Variants in RASGEF1B observed in about 807,000 individuals in gnomAD.
RASGEF1B encodes the protein RasGEF domain family member 1B.
A neutral mutation model predicts 65.7 loss-of-function variants in RASGEF1B; 30 were observed. The ratio of observed to expected loss-of-function variants is 0.46; its 90% confidence interval spans 0.34 to 0.62. The LOEUF is 0.62. RASGEF1B is among the 20% of genes least tolerant of loss of function. The probability of loss-of-function intolerance (pLI) is 0.01; values close to 1 mark genes in which losing one functional copy is unlikely to be tolerated. For synonymous variants in RASGEF1B, 175 were observed against 194.8 expected, an observed-to-expected ratio of 0.90 and a Z score of 0.85; for missense variants, 495 against 580.1, an observed-to-expected ratio of 0.85 and a Z score of 1.51.
At chr4:81,468,061 A>G (rs1174860446) in intron 1 of RASGEF1B, among the ~76,000 whole-genome samples, 1 of 152,230 alleles carries the variant, frequency 6.6e-6, no homozygotes, top group Non-Finnish European at 1.5e-5. Flanking sequence ...AAATATTCCC[A>G]TATGACTAGT....
At chr4:81,438,551 G>T (rs1042215844) in intron 10 of RASGEF1B, among the ~76,000 whole-genome samples, 6 of 152,324 alleles carry the variant, frequency 3.9e-5, no homozygotes, top group Non-Finnish European at 8.8e-5. Flanking sequence ...TTTTTTAAAT[G>T]GCTGTGATTT....
rs1199995265 is a variant in RASGEF1B at position 81,443,545 on chromosome 4, T to G, written c.929-1169A>C. 2.0e-5 allele frequency among the ~76,000 whole-genome samples: 3 copies of G among 152,354 alleles called. No individual in the cohort carries two copies. The East Asian group carries it at 5.8e-4, about 29-fold the overall frequency. On this transcript the variant is annotated intron_variant, in intron 8 of 13. Coordinates refer to ENST00000264400, the MANE Select transcript of RASGEF1B (RefSeq NM_152545.3). ...TGAAATCATACTGTATCCACTCTTGTGTCTGTCTTATTTTGCACAACATAA... is the reference window on the plus strand; with the variant it reads ...TGAAATCATACTGTATCCACTCTTGGGTCTGTCTTATTTTGCACAACATAA...
rs1224932180 is a variant in RASGEF1B at position 81,459,430 on chromosome 4, T to C, written c.79A>G (p.Ser27Gly). The C allele has an allele frequency of 5.6e-6, 9 of 1,613,508 alleles. No homozygotes were observed. In the Admixed American group the frequency reaches 8.4e-5, roughly 15 times the overall value. Residue 27 changes from serine to glycine, a missense_variant, in exon 2 of 14, where the codon AGC becomes GGC. Physicochemically the swap from Ser to Gly is moderately conservative, Grantham distance 56 (BLOSUM62 0). Transcript: ENST00000264400. ...TCATGGTAATACAACCCTCCACAGC[T>C]GTCCTCTGCAGACTGATAGAGGTTT... Reference protein sequence around the residue: ...NRNLYQSAEDSCGGLYYHDNN... With the variant: ...NRNLYQSAEDGCGGLYYHDNN...
chr4:81,429,110 C>G (rs1376444014), intron 13 of RASGEF1B, among the ~76,000 whole-genome samples: 3 of 152,272 alleles, frequency 2.0e-5, no homozygotes, highest in Middle Eastern at 3.4e-3. Flanking sequence ...GCTTACATAG[C>G]AATAGAGAAA....
At chr4:81,451,514 A>C (rs542886658) in intron 4 of RASGEF1B, 2 of 152,236 alleles carry the variant, frequency 1.3e-5, no homozygotes, top group African/African-American at 4.8e-5. Context: ...ACATAGGAGC[A>C]GCGCCGGAAG....
intron 10 of RASGEF1B, among the ~76,000 whole-genome samples, chr4:81,436,792 A>T (rs1293374349): frequency 6.6e-6 from 1 of 152,220 alleles, no homozygotes; most frequent in African/African-American, 2.4e-5. Flanking sequence ...CTAAGGAAAA[A>T]TTCAGATTTT....
chr4:81,461,759 C>T (rs1015162927), intron 1 of RASGEF1B, among the ~76,000 whole-genome samples: 4 of 152,138 alleles, frequency 2.6e-5, no homozygotes, highest in Non-Finnish European at 5.9e-5. Flanking sequence ...GTCAGACAGT[C>T]ATGGAAGGAG....
chr4:81,442,907 C>T (rs534753031), intron 8 of RASGEF1B, among the ~76,000 whole-genome samples: 2 of 152,378 alleles, frequency 1.3e-5, no homozygotes, highest in South Asian at 2.1e-4. Flanking sequence ...ATTTGACCCA[C>T]GGGTCATAGT....
chr4:81,455,254 T>C (rs1426178675), intron 4 of RASGEF1B: 1 of 152,036 alleles, frequency 6.6e-6, no homozygotes, highest in Non-Finnish European at 1.5e-5. Context: ...CTGGGCAACA[T>C]AGTGAGGCTT....
chr4:81,440,713 T>C (rs768121838), intron 10 of RASGEF1B, 121 bp downstream of exon 10: 2 of 633,004 alleles, frequency 3.2e-6, no homozygotes, highest in Non-Finnish European at 5.6e-6. Flanking sequence ...ATTTCTAGAG[T>C]ACACATGTCT....
At chr4:81,466,761 A>AG (rs1560713567) in intron 1 of RASGEF1B, among the ~76,000 whole-genome samples, 11 of 115,860 alleles carry the variant, frequency 9.5e-5, no homozygotes, top group African/African-American at 3.4e-4. Flanking sequence ...TCCATGTCAA[A>AG]AAAAAAAAAA....
intron 6 of RASGEF1B, among the ~76,000 whole-genome samples, chr4:81,446,212 T>C (rs960033198): frequency 2.0e-5 from 3 of 152,158 alleles, no homozygotes; most frequent in Non-Finnish European, 4.4e-5. Context: ...CCGTCTCTAC[T>C]AAATATACAA....
At chr4:81,447,353 C>G in intron 6 of RASGEF1B, 151 bp downstream of exon 6, 1 of 582,142 alleles carries the variant, frequency 1.7e-6, no homozygotes, top group Admixed American at 3.2e-5. Context: ...AGAAAACTGC[C>G]ATGAATCAGA....
intron 4 of RASGEF1B, among the ~76,000 whole-genome samples, chr4:81,448,759 A>G (rs1042272861): frequency 7.2e-5 from 11 of 152,074 alleles, no homozygotes; most frequent in African/African-American, 2.4e-4. Context: ...TGGCTACCTA[A>G]CAGAAATATA....
intron 10 of RASGEF1B, among the ~76,000 whole-genome samples, chr4:81,435,774 CTT>C (rs34304493): frequency 2.0e-4 from 18 of 91,596 alleles, no homozygotes; most frequent in African/African-American, 2.2e-4. Flanking sequence ...CGCGCCTGGC[CTT>C]TTTTTTTTTT....
chr4:81,459,369 A>G lies in RASGEF1B; in HGVS notation c.140T>C (p.Ile47Thr). The G allele has an allele frequency of 6.2e-7, 1 of 1,612,110 alleles. No individual in the cohort carries two copies. The highest frequency in any genetic ancestry group is 8.5e-7 in the Non-Finnish European group (1 of 1,179,364). The change falls in exon 2 of 14, where the codon ATC becomes ACC. Residue 47 changes from isoleucine to threonine, a missense_variant. Ile to Thr is a moderately conservative substitution (Grantham distance 89). Coordinates refer to ENST00000264400, the MANE Select transcript of RASGEF1B (RefSeq NM_152545.3). ...ATCCACATTAGGTACTAAGTGCTGG[A>G]TGAGTGCTTCCAGGGATCCAGAGAG... The part of the protein sequence containing the change: ...NLLSGSLEAL[I>T]QHLVPNVDYY...
At chr4:81,442,907 CG>C (rs1489733564) in intron 8 of RASGEF1B, among the ~76,000 whole-genome samples, 2 of 152,260 alleles carry the variant, frequency 1.3e-5, no homozygotes, top group Non-Finnish European at 2.9e-5. Flanking sequence ...ATTTGACCCA[CG>C]GGTCATAGTT....
rs116173202 is a variant in RASGEF1B at position 81,442,791 on chromosome 4, C to T, written c.929-415G>A. Among the ~76,000 whole-genome samples the T allele has an allele frequency of 9.7e-3, 1,470 of 152,260 alleles. 19 individuals carry two copies. The highest frequency in any genetic ancestry group is 0.034 in the African/African-American group (1,397 of 41,546). On this transcript the variant is annotated intron_variant, in intron 8 of 13. Coordinates refer to ENST00000264400, the MANE Select transcript of RASGEF1B (RefSeq NM_152545.3). ...CTGAAATCTGAATTTATATTACAGT[C>T]ACATGTTAGAAATGTTAGTATTATT...
Position 81,427,668 on chromosome 4 carries a change from C to T in RASGEF1B, c.*100G>A. 5 of 1,415,732 alleles carry T rather than the reference C, an allele frequency of 3.5e-6. No homozygotes were observed. Among genetic ancestry groups the T allele is most frequent in the Admixed American group, 1.8e-5 (1 of 55,606 alleles). 87.7% of individuals were successfully genotyped at this position (1,415,732 alleles called of 1,614,324 possible). A position where few individuals can be genotyped will look rare whatever the true frequency, so the allele number is the denominator to read the frequency against. ...CCGGGTGCTCCAATGACTGCAGGGT[C>T]TTCATGAGTGTTCGTGGTACGAGAT... On this transcript the variant is annotated 3_prime_UTR_variant, in exon 14 of 14. Transcript: ENST00000264400.
Sources: gnomAD v4.1 joint callset for allele counts (sites outside exome capture counted in the v4.1 genomes callset) on GRCh38, gnomAD v4.1.1 for gene constraint, MANE v1.5 for transcripts, NCBI Gene and HGNC (gene_info 2026-07-23, HGNC 2026-07-21) for gene names.